PCDHGB2: variants seen among roughly 807,000 people sequenced by gnomAD.
PCDHGB2 encodes the protein protocadherin gamma subfamily B, 2.
PCDHGB2 carries 55 observed loss-of-function variants against 59.3 expected under a neutral mutation model. That is an observed-to-expected ratio of 0.93 (90% CI 0.75 to 1.16). The LOEUF is 1.16. PCDHGB2 is among the 50% of genes most tolerant of loss of function. The pLI is 0.00. For missense variants in PCDHGB2, 1,228 were observed against 1,198.5 expected (o/e 1.02, Z -0.36); for synonymous variants, 516 against 512.0 (o/e 1.01, Z -0.11).
intron 1 of PCDHGB2, chr5:141,400,327 G>A: frequency 6.2e-7 from 1 of 1,614,074 alleles, no homozygotes. Context: ...GTCTGGACCT[G>A]TGGTTCCCCC....
intron 1 of PCDHGB2, chr5:141,400,635 TG>T: frequency 7.3e-7 from 1 of 1,373,110 alleles, no homozygotes; most frequent in Non-Finnish European, 1.0e-6. Flanking sequence ...AAGTCAGAGC[TG>T]CTCAGAAAGC....
At chr5:141,390,373 ATT>A in intron 1 of PCDHGB2, 3 of 1,481,208 alleles carry the variant, frequency 2.0e-6, no homozygotes, top group Non-Finnish European at 2.8e-6. Flanking sequence ...AAAATATATA[ATT>A]TTTAGATGTC....
intron 1 of PCDHGB2, chr5:141,365,375 C>T (rs752434944): frequency 5.0e-6 from 8 of 1,613,824 alleles, no homozygotes; most frequent in African/African-American, 4.0e-5. Flanking sequence ...CGAAGTGATC[C>T]TCACCTCTCT....
At chr5:141,492,705 C>T (rs2099743225) in intron 1 of PCDHGB2, among the ~76,000 whole-genome samples, 1 of 152,258 alleles carries the variant, frequency 6.6e-6, no homozygotes, top group South Asian at 2.1e-4. Flanking sequence ...ACCCAGAAGC[C>T]TCGAGCAGGC....
At chr5:141,366,853 A>C in intron 1 of PCDHGB2, 1 of 1,431,818 alleles carries the variant, frequency 7.0e-7, no homozygotes, top group Non-Finnish European at 9.4e-7. Flanking sequence ...AAATAGTGGA[A>C]CATTATTTGC....
At chr5:141,414,821 A>G (rs1321959107) in intron 1 of PCDHGB2, 1 of 1,614,226 alleles carries the variant, frequency 6.2e-7, no homozygotes, top group South Asian at 1.1e-5. Flanking sequence ...CTCAGCAGCA[A>G]CGTGTCGTTG....
intron 1 of PCDHGB2, among the ~76,000 whole-genome samples, chr5:141,443,577 G>A (rs567410923): frequency 1.3e-5 from 2 of 152,284 alleles, no homozygotes; most frequent in South Asian, 4.1e-4. Context: ...ATGGACTTGA[G>A]CTAAAACAGA....
Position 141,485,138 on chromosome 5 carries a change from T to A in PCDHGB2, c.2422-9669T>A, listed in dbSNP as rs374309554. On this transcript the variant is annotated intron_variant, in intron 1 of 3. Coordinates refer to ENST00000522605, the MANE Select transcript of PCDHGB2 (RefSeq NM_018923.3). This position sits in a 1 kb window ranked among gnomAD's most constrained non-coding sequence, Gnocchi z 5.7. ...TTGGGGCGGGTCGGCTTCATCCGCG[T>A]CTCAGGAGCAAGTAGAGAATTAGCG... is the stretch of plus-strand genomic sequence containing the variant. 17 of 1,528,690 alleles carry A rather than the reference T, an allele frequency of 1.1e-5. No individual in the cohort carries two copies. The highest frequency in any genetic ancestry group is 1.3e-5 in the Non-Finnish European group (14 of 1,109,458). 94.7% of individuals were successfully genotyped at this position (1,528,690 alleles called of 1,614,324 possible).
rs777566456 is a variant in PCDHGB2, at chr5:141,405,216, A to G, written c.2421+42660A>G. On this transcript the variant is annotated intron_variant, in intron 1 of 3. Coordinates refer to ENST00000522605, the MANE Select transcript of PCDHGB2 (RefSeq NM_018923.3). ...CGAGCTTTCCTACAGACCTATTCTCAGGAGTTCTCCCTCACCGCTGACTCA... is the reference window on the plus strand; with the variant it reads ...CGAGCTTTCCTACAGACCTATTCTCGGGAGTTCTCCCTCACCGCTGACTCA... 27 of 1,613,806 alleles carry G rather than the reference A, an allele frequency of 1.7e-5. No individual in the cohort carries two copies. In the Admixed American group the frequency reaches 2.7e-4, roughly 16 times the overall value.
chr5:141,374,815 G>T, intron 1 of PCDHGB2: 1 of 1,613,934 alleles, frequency 6.2e-7, no homozygotes, highest in Non-Finnish European at 8.5e-7. Context: ...TGTTTACTCA[G>T]CCTGTCTACC....
chr5:141,502,373 C>A (rs2099813965), intron 2 of PCDHGB2, among the ~76,000 whole-genome samples: 1 of 151,806 alleles, frequency 6.6e-6, no homozygotes, highest in African/African-American at 2.4e-5. Context: ...TTAAAGAGTC[C>A]AGGCCAGTTG....
At chr5:141,371,720 C>G in intron 1 of PCDHGB2, 1 of 1,614,070 alleles carries the variant, frequency 6.2e-7, no homozygotes. Flanking sequence ...CTCTGCACAT[C>G]CTTGATGTCA....
intron 1 of PCDHGB2, chr5:141,412,510 T>G (rs1007512416): frequency 6.6e-6 from 1 of 152,204 alleles, no homozygotes; most frequent in Non-Finnish European, 1.5e-5. Flanking sequence ...ATAAGTTTAA[T>G]GAATTAAGTA....
At chr5:141,401,726 A>T (rs943909540) in intron 1 of PCDHGB2, among the ~76,000 whole-genome samples, 1 of 152,186 alleles carries the variant, frequency 6.6e-6, no homozygotes, top group African/African-American at 2.4e-5. Context: ...AAAAACTACT[A>T]GTCTTGTGTA....
chr5:141,398,889 C>A (rs1300521650), intron 1 of PCDHGB2: 2 of 1,613,958 alleles, frequency 1.2e-6, no homozygotes, highest in Non-Finnish European at 1.7e-6. Context: ...TTCGGGAAAA[C>A]GTGCCACCAG....
intron 1 of PCDHGB2, among the ~76,000 whole-genome samples, chr5:141,448,772 G>C (rs1034550563): frequency 1.5e-4 from 22 of 151,272 alleles, no homozygotes; most frequent in African/African-American, 3.7e-4. Context: ...AACCCCGTCT[G>C]TACTAAAAAT....
At chr5:141,402,487 A>G (rs1239262921) in intron 1 of PCDHGB2, among the ~76,000 whole-genome samples, 1 of 152,226 alleles carries the variant, frequency 6.6e-6, no homozygotes, top group Non-Finnish European at 1.5e-5. Flanking sequence ...AAGTTCTACC[A>G]AGAATAAGAA....
intron 1 of PCDHGB2, among the ~76,000 whole-genome samples, chr5:141,443,035 CTT>C (rs2098359592): frequency 6.6e-6 from 1 of 152,208 alleles, no homozygotes; most frequent in African/African-American, 2.4e-5. Context: ...CAGACCTAAA[CTT>C]TGAAAATTAT....
chr5:141,397,975 G>T, intron 1 of PCDHGB2: 4 of 1,189,018 alleles, frequency 3.4e-6, no homozygotes, highest in Non-Finnish European at 4.6e-6. Flanking sequence ...CCCCAGCGCC[G>T]GCCTTTACAC....
Sources: gnomAD v4.1 joint callset for allele counts (sites outside exome capture counted in the v4.1 genomes callset) on GRCh38, gnomAD v4.1.1 for gene constraint, Gnocchi (gnomAD v3.1) non-coding constraint, MANE v1.5 for transcripts, NCBI Gene and HGNC (gene_info 2026-07-23, HGNC 2026-07-21) for gene names.